LPA: variants seen among roughly 807,000 people sequenced by gnomAD.
LPA encodes the protein lipoprotein(a), also known as apolipoprotein(a).
LPA carries 199 observed loss-of-function variants against 197.9 expected under a neutral mutation model. The ratio of observed to expected loss-of-function variants is 1.01; its 90% CI spans 0.90 to 1.13. LPA has a LOEUF of 1.13. Ranked by LOEUF, LPA falls within the 50% of genes most tolerant of loss-of-function variation. The pLI is 0.00. For synonymous variants in LPA, 715 were observed against 639.5 expected (o/e 1.12, Z -1.78); for missense variants, 1,853 against 1,785.8 (o/e 1.04, Z -0.68).
At chr6:160,590,539 TC>T (rs1779005764) in intron 23 of LPA, among the ~76,000 whole-genome samples, 1 of 152,124 alleles carries the variant, frequency 6.6e-6, no homozygotes, top group African/African-American at 2.4e-5. Context: ...AAAACCACAT[TC>T]CTCTGAAACT....
At position 160,652,379 on chromosome 6, in the gene LPA, T is replaced by C. The variant is rs540002499; in HGVS notation, c.50-1882A>G. Among the ~76,000 whole-genome samples, 8 of 152,254 alleles carry C rather than the reference T, an allele frequency of 5.3e-5. No individual in the cohort carries two copies. In the East Asian group the frequency reaches 1.3e-3, roughly 26 times the overall value. On this transcript the variant is annotated intron_variant, in intron 1 of 38. Transcript: ENST00000316300. Reference sequence around the variant, plus strand: ...GTCAGAAACTATTCAAAACGGAATATAATGGAACATCATTGTTAAAATGAT... The same window carrying C: ...GTCAGAAACTATTCAAAACGGAATACAATGGAACATCATTGTTAAAATGAT...
chr6:160,632,426 T>TA (rs1265285360), intron 8 of LPA, among the ~76,000 whole-genome samples: 1 of 79,308 alleles, frequency 1.3e-5, no homozygotes, highest in Non-Finnish European at 2.2e-5. Flanking sequence ...CTTTGTTGTT[T>TA]ACTTCTAAAG....
intron 33 of LPA, among the ~76,000 whole-genome samples, chr6:160,544,851 C>T (rs1441750194): frequency 6.6e-6 from 1 of 152,116 alleles, no homozygotes; most frequent in Non-Finnish European, 1.5e-5. Flanking sequence ...CTCATACTCC[C>T]AATAAGAGTC....
chr6:160,549,523 T>C (rs1778134105), intron 30 of LPA, among the ~76,000 whole-genome samples: 1 of 152,198 alleles, frequency 6.6e-6, no homozygotes, highest in Admixed American at 6.5e-5. Flanking sequence ...AAGGAGGAAA[T>C]GCCATCCAAG....
At chr6:160,546,252 A>C (rs1301045330) in intron 32 of LPA, among the ~76,000 whole-genome samples, 3 of 152,194 alleles carry the variant, frequency 2.0e-5, no homozygotes, top group African/African-American at 7.2e-5. Context: ...ACCGATGGCC[A>C]ATGATGTAAT....
At chr6:160,557,616 T>G (rs2115012445) in intron 28 of LPA, 45 bp from the exon 29 acceptor site, 1 of 1,552,144 alleles carries the variant, frequency 6.4e-7, no homozygotes, top group Admixed American at 1.7e-5. Flanking sequence ...CGGGAAAAAA[T>G]TCAGGGGCAC....
In LPA at chr6:160,597,250, T is replaced by C. The variant is rs181962636; in HGVS notation, c.3288-1715A>G. ...CTAGCCTGTTGTGTTTGGGAAAGAT[T>C]TATAACCATAGTGAGAGAATCAAGG... On this transcript the variant is annotated intron_variant, in intron 20 of 38. Coordinates refer to ENST00000316300, the MANE Select transcript of LPA (RefSeq NM_005577.4). Among the ~76,000 whole-genome samples, 203 of 152,350 alleles carry C rather than the reference T, an allele frequency of 1.3e-3. 2 individuals carry two copies. Among genetic ancestry groups the C allele is most frequent in the African/African-American group, 4.6e-3 (193 of 41,582 alleles).
At chr6:160,554,847 C>G (rs1778228042) in intron 30 of LPA, among the ~76,000 whole-genome samples, 1 of 152,114 alleles carries the variant, frequency 6.6e-6, no homozygotes, top group Non-Finnish European at 1.5e-5. Context: ...AAACTCCAGT[C>G]TCTTTCCTCA....
chr6:160,542,233 G>A (rs554214312), intron 34 of LPA, among the ~76,000 whole-genome samples: 14 of 152,198 alleles, frequency 9.2e-5, no homozygotes, highest in South Asian at 8.3e-4. Flanking sequence ...GAATAGCCTC[G>A]GCATTGAATT....
At chr6:160,581,717 T>C (rs78199196) in intron 26 of LPA, among the ~76,000 whole-genome samples, 15,099 of 152,244 alleles carry the variant, frequency 0.099, 988 homozygotes, top group Non-Finnish European at 0.15. Context: ...TCTTGGTGAT[T>C]CTAGCATATA....
intron 26 of LPA, among the ~76,000 whole-genome samples, chr6:160,580,739 G>C (rs1457267267): frequency 6.6e-6 from 1 of 152,176 alleles, no homozygotes; most frequent in Non-Finnish European, 1.5e-5. Flanking sequence ...CAAGCCTGTT[G>C]CCCATTTTGA....
chr6:160,611,247 C>A (rs546958707), intron 16 of LPA, among the ~76,000 whole-genome samples: 1 of 152,132 alleles, frequency 6.6e-6, no homozygotes, highest in Non-Finnish European at 1.5e-5. Context: ...ACTGGAAAGT[C>A]TTCATTGACG....
At chr6:160,610,835 C>A (rs1394698393) in intron 16 of LPA, among the ~76,000 whole-genome samples, 1 of 151,784 alleles carries the variant, frequency 6.6e-6, no homozygotes, top group East Asian at 1.9e-4. Context: ...CATCATTGGC[C>A]CTCTCTCAAT....
intron 28 of LPA, among the ~76,000 whole-genome samples, chr6:160,559,941 G>C (rs533463776): frequency 6.6e-6 from 1 of 152,144 alleles, no homozygotes; most frequent in African/African-American, 2.4e-5. Flanking sequence ...CCCTCCCCTA[G>C]CCTCAACTCC....
chr6:160,600,808 A>G, intron 19 of LPA, 109 bp downstream of exon 19: 1 of 1,282,348 alleles, frequency 7.8e-7, no homozygotes, highest in Non-Finnish European at 1.1e-6. Context: ...CAGACCCAGA[A>G]CCAACACACG....
intron 17 of LPA, 134 bp from the exon 18 acceptor site, chr6:160,605,339 G>T (rs1397973314): frequency 1.8e-6 from 2 of 1,123,670 alleles, no homozygotes; most frequent in Admixed American, 1.8e-5. Flanking sequence ...TAACATTCTT[G>T]TTTCTTTATT....
At chr6:160,566,074 C>T (rs539564424) in intron 28 of LPA, among the ~76,000 whole-genome samples, 5 of 152,204 alleles carry the variant, frequency 3.3e-5, no homozygotes, top group South Asian at 4.2e-4. Flanking sequence ...CTGAAAGTGA[C>T]GAGGAGAATG....
intron 1 of LPA, among the ~76,000 whole-genome samples, chr6:160,652,016 C>CA (rs58821197): frequency 0.57 from 69,753 of 122,294 alleles, 18,054 homozygotes; most frequent in Non-Finnish European, 0.63. Context: ...GAGTTCCTGA[C>CA]AAAAAAAAAA....
intron 7 of LPA, among the ~76,000 whole-genome samples, chr6:160,634,835 A>T (rs1429314400): frequency 1.3e-5 from 2 of 150,378 alleles, no homozygotes; most frequent in African/African-American, 2.5e-5. Context: ...GTTACAATAA[A>T]AATTTTGGCT....
Sources: gnomAD v4.1 joint callset for allele counts (sites outside exome capture counted in the v4.1 genomes callset) on GRCh38, gnomAD v4.1.1 for gene constraint, MANE v1.5 for transcripts, NCBI Gene and HGNC (gene_info 2026-07-23, HGNC 2026-07-21) for gene names.